The following DNAH14 variants were observed in gnomAD, a reference collection of about 807,000 sequenced individuals.
The protein encoded by DNAH14 is axonemal beta dynein heavy chain 14.
A neutral mutation model predicts 520.9 loss-of-function variants in DNAH14; 478 were observed. The ratio of observed to expected loss-of-function variants is 0.92; its 90% CI spans 0.85 to 0.99. The LOEUF (loss-of-function observed/expected upper bound fraction) is 0.99. Among genes scored for constraint, DNAH14 ranks in the 50% least tolerant of loss-of-function variants. The pLI, the probability that DNAH14 is intolerant of heterozygous loss-of-function variation, is 0.00. For synonymous variants in DNAH14, 1,581 were observed against 1,757.2 expected, an observed-to-expected ratio of 0.90 and a Z score of 2.51; for missense variants, 4,831 against 5,234.5, an observed-to-expected ratio of 0.92 and a Z score of 2.38.
chr1:225,339,991 C>T (rs2095145100), intron 68 of DNAH14, among the ~76,000 whole-genome samples: 1 of 152,116 alleles, frequency 6.6e-6, no homozygotes, highest in Non-Finnish European at 1.5e-5. Context: ...GTTATGGGTG[C>T]ACGGAAATTT....
At chr1:225,030,040 C>A (rs573069658) in intron 11 of DNAH14, among the ~76,000 whole-genome samples, 43 of 151,856 alleles carry the variant, frequency 2.8e-4, no homozygotes, top group African/African-American at 1.0e-3. Context: ...GATTAAAATA[C>A]AAAGTATGTT....
At chr1:225,280,504 C>T (rs1412359240) in intron 54 of DNAH14, among the ~76,000 whole-genome samples, 1 of 151,536 alleles carries the variant, frequency 6.6e-6, no homozygotes, top group Non-Finnish European at 1.5e-5. Context: ...GAGGCTGAGG[C>T]AGGAGAATGA....
intron 60 of DNAH14, among the ~76,000 whole-genome samples, chr1:225,311,373 C>A (rs548790968): frequency 3.2e-4 from 49 of 152,200 alleles, no homozygotes; most frequent in African/African-American, 1.1e-3. Context: ...AGATAGATTG[C>A]AAAAATTTTC....
At chr1:225,235,444 A>C (rs1273939657) in intron 42 of DNAH14, among the ~76,000 whole-genome samples, 2 of 151,982 alleles carry the variant, frequency 1.3e-5, no homozygotes, top group African/African-American at 2.4e-5. Context: ...TTGGTTTGCC[A>C]GTATTTTTTT....
chr1:225,227,719 A>G (rs2090675960), intron 41 of DNAH14, among the ~76,000 whole-genome samples: 2 of 152,114 alleles, frequency 1.3e-5, no homozygotes, highest in Non-Finnish European at 2.9e-5. Context: ...AGTAAAGTCC[A>G]TGCCACCCCA....
At chr1:225,092,982 G>T (rs541688380) in intron 21 of DNAH14, among the ~76,000 whole-genome samples, 1 of 152,132 alleles carries the variant, frequency 6.6e-6, no homozygotes, top group African/African-American at 2.4e-5. Flanking sequence ...GGAAGAAATT[G>T]AATAATTGAA....
intron 76 of DNAH14, among the ~76,000 whole-genome samples, chr1:225,366,644 A>G (rs74149904): frequency 0.012 from 1,903 of 152,312 alleles, 33 homozygotes; most frequent in African/African-American, 0.043. Flanking sequence ...AAAATAGAGA[A>G]TATGTCCTCT....
At chr1:225,388,306 G>A in intron 81 of DNAH14, 73 bp from the exon 82 acceptor site, 1 of 846,814 alleles carries the variant, frequency 1.2e-6, no homozygotes, top group Admixed American at 2.3e-5. Context: ...TATTACCAAG[G>A]TTTGCAGAAA....
At chr1:224,943,409 C>A (rs58823550) in intron 1 of DNAH14, among the ~76,000 whole-genome samples, 1 of 151,788 alleles carries the variant, frequency 6.6e-6, no homozygotes, top group African/African-American at 2.4e-5. Flanking sequence ...GTCTTGCTAG[C>A]GGTCTATCAA....
intron 1 of DNAH14, among the ~76,000 whole-genome samples, chr1:224,947,139 A>C (rs1384032554): frequency 6.6e-6 from 1 of 151,940 alleles, no homozygotes; most frequent in Non-Finnish European, 1.5e-5. Context: ...GCTGGTCTGG[A>C]ACTCCTGACC....
At chr1:225,383,884 A>T (rs186501975) in intron 81 of DNAH14, among the ~76,000 whole-genome samples, 1 of 152,332 alleles carries the variant, frequency 6.6e-6, no homozygotes, top group Admixed American at 6.5e-5. Flanking sequence ...TTAGTGCTAT[A>T]AATTTCCCCT....
At chr1:224,977,487 T>A (rs993583186) in intron 8 of DNAH14, among the ~76,000 whole-genome samples, 2 of 151,966 alleles carry the variant, frequency 1.3e-5, no homozygotes, top group Non-Finnish European at 2.9e-5. Flanking sequence ...TAAAGTATAA[T>A]AATAATAATA....
At chr1:225,014,969 G>T (rs886607348) in intron 10 of DNAH14, among the ~76,000 whole-genome samples, 2 of 152,016 alleles carry the variant, frequency 1.3e-5, no homozygotes, top group African/African-American at 4.8e-5. Flanking sequence ...TTATATATCT[G>T]GATAGTCTAG....
chr1:225,389,071 A>C (rs1212418198), intron 82 of DNAH14, among the ~76,000 whole-genome samples: 1 of 152,206 alleles, frequency 6.6e-6, no homozygotes, highest in Admixed American at 6.5e-5. Flanking sequence ...TGTAATTTTT[A>C]AATGTGTTTT....
chr1:225,170,246 C>G (rs1278461294), intron 36 of DNAH14, among the ~76,000 whole-genome samples: 2 of 152,170 alleles, frequency 1.3e-5, no homozygotes, highest in African/African-American at 4.8e-5. Context: ...ATCATAATAA[C>G]AGCATCAAAT....
chr1:225,144,373 G>T lies in DNAH14; in HGVS notation c.4509-24G>T. On this transcript the variant is annotated intron_variant, in intron 28 of 85. Coordinates refer to ENST00000682510, the MANE Select transcript of DNAH14 (RefSeq NM_001367479.1). ...TAAAAATAATTTAACCAAATAATATGAACATTTAAAATTTGGCTTTCAGAC... is the reference window on the plus strand; with the variant it reads ...TAAAAATAATTTAACCAAATAATATTAACATTTAAAATTTGGCTTTCAGAC... 4.1e-6 allele frequency: 6 copies of T among 1,480,642 alleles called. No homozygotes were observed. In the South Asian group the frequency reaches 6.2e-5, roughly 15 times the overall value. The allele number at this position is 1,480,642 out of a possible 1,614,324, so 91.7% of individuals were successfully genotyped here.
intron 18 of DNAH14, among the ~76,000 whole-genome samples, chr1:225,080,112 C>T (rs1306230125): frequency 6.6e-6 from 1 of 152,160 alleles, no homozygotes. Flanking sequence ...TGAATGTAGG[C>T]AACAAACAGC....
chr1:225,192,098 A>T (rs1316924592), intron 37 of DNAH14, among the ~76,000 whole-genome samples: 1 of 152,022 alleles, frequency 6.6e-6, no homozygotes, highest in Admixed American at 6.6e-5. Flanking sequence ...GGCTTTCAGA[A>T]TTCCCCCATA....
intron 10 of DNAH14, among the ~76,000 whole-genome samples, chr1:225,018,600 A>C (rs567584189): frequency 6.6e-6 from 1 of 152,306 alleles, no homozygotes; most frequent in African/African-American, 2.4e-5. Flanking sequence ...ACACATAGTC[A>C]TCAAATTCTC....
Sources: gnomAD v4.1 joint callset for allele counts (sites outside exome capture counted in the v4.1 genomes callset) on GRCh38, gnomAD v4.1.1 for gene constraint, MANE v1.5 for transcripts, NCBI Gene and HGNC (gene_info 2026-07-23, HGNC 2026-07-21) for gene names.